Variants in FAF1 observed in about 807,000 individuals in gnomAD.
FAF1 encodes the protein FAS-associated factor 1.
FAF1 carries 25 observed loss-of-function variants against 92.5 expected under a neutral mutation model. The observed-to-expected ratio is 0.27, with a 90% confidence interval of 0.20 to 0.38. The LOEUF (loss-of-function observed/expected upper bound fraction) is 0.38, where lower values mean the gene tolerates loss of function less well. FAF1 is among the 10% of genes least tolerant of loss of function. The pLI is 1.00. For synonymous variants in FAF1, 234 were observed against 273.2 expected, an observed-to-expected ratio of 0.86 and a Z score of 1.42; for missense variants, 636 against 793.3, an observed-to-expected ratio of 0.80 and a Z score of 2.38.
intron 6 of FAF1, among the ~76,000 whole-genome samples, chr1:50,729,047 TATATATA>T (rs1658796469): frequency 3.4e-5 from 3 of 88,014 alleles, no homozygotes; most frequent in South Asian, 4.3e-4. Flanking sequence ...TATATATATA[TATATATA>T]TATATTTTTT....
chr1:50,885,167 G>T (rs2124692992), intron 1 of FAF1, among the ~76,000 whole-genome samples: 1 of 152,074 alleles, frequency 6.6e-6, no homozygotes, highest in Non-Finnish European at 1.5e-5. Context: ...TCTTTTCTTA[G>T]TCTGGCTAAA....
chr1:50,616,206 G>C (rs983272320), intron 8 of FAF1, among the ~76,000 whole-genome samples: 6 of 152,026 alleles, frequency 3.9e-5, no homozygotes, highest in Non-Finnish European at 7.4e-5. Context: ...CTGTTCCATT[G>C]GTCTATGTGT....
chr1:50,823,254 G>C (rs1487661099), intron 2 of FAF1, among the ~76,000 whole-genome samples: 1 of 152,116 alleles, frequency 6.6e-6, no homozygotes, highest in East Asian at 1.9e-4. Context: ...TACATTTTGA[G>C]GTTGTTGTAC....
intron 6 of FAF1, 109 bp from the exon 7 acceptor site, chr1:50,706,000 T>C: frequency 1.6e-6 from 1 of 609,178 alleles, no homozygotes; most frequent in Non-Finnish European, 3.0e-6. Context: ...CACAGGCATG[T>C]CTGGGCCCAA....
intron 2 of FAF1, among the ~76,000 whole-genome samples, chr1:50,829,431 G>C (rs1488269485): frequency 1.3e-5 from 2 of 152,124 alleles, no homozygotes; most frequent in African/African-American, 4.8e-5. Flanking sequence ...TATGAATACA[G>C]AATGTACTGT....
At chr1:50,491,618 T>C (rs546300780) in intron 16 of FAF1, 103 bp downstream of exon 16, 2 of 739,126 alleles carry the variant, frequency 2.7e-6, no homozygotes, top group East Asian at 5.1e-5. Flanking sequence ...TCTAGCTTTC[T>C]CTATTGCAAA....
At chr1:50,948,705 T>C (rs1357255727) in intron 1 of FAF1, among the ~76,000 whole-genome samples, 1 of 152,020 alleles carries the variant, frequency 6.6e-6, no homozygotes, top group Non-Finnish European at 1.5e-5. Flanking sequence ...GCTGTATTTT[T>C]AGTAGAGATG....
At chr1:50,623,237 T>C (rs984682384) in intron 8 of FAF1, among the ~76,000 whole-genome samples, 1 of 152,172 alleles carries the variant, frequency 6.6e-6, no homozygotes, top group African/African-American at 2.4e-5. Flanking sequence ...GAGACAATCT[T>C]CCATTTTGAG....
intron 1 of FAF1, among the ~76,000 whole-genome samples, chr1:50,947,118 C>T (rs1645177444): frequency 6.6e-6 from 1 of 152,100 alleles, no homozygotes; most frequent in South Asian, 2.1e-4. Flanking sequence ...GAAGTTACTG[C>T]TATTACTCTT....
chr1:50,813,730 T>C (rs1643939571), intron 2 of FAF1, among the ~76,000 whole-genome samples: 1 of 152,238 alleles, frequency 6.6e-6, no homozygotes, highest in African/African-American at 2.4e-5. Flanking sequence ...CCCAAAGTGC[T>C]GGATGCTTTA....
In FAF1 at chr1:50,496,566, T is replaced by G. The variant is rs569213150; in HGVS notation, c.1495-4765A>C. On this transcript the variant is annotated intron_variant, in intron 15 of 18. Transcript: ENST00000396153. Reference sequence around the variant, plus strand: ...AGCCCCACTGTGACCAGAGATCTCATTTTGGACTTAAGCAAGGTGAGGAGG... The same window carrying G: ...AGCCCCACTGTGACCAGAGATCTCAGTTTGGACTTAAGCAAGGTGAGGAGG... Among the ~76,000 whole-genome samples, 275 of 152,282 alleles carry G rather than the reference T, an allele frequency of 1.8e-3. 2 individuals carry two copies. The highest frequency in any genetic ancestry group is 2.9e-3 in the Non-Finnish European group (198 of 68,020).
At chr1:50,754,098 T>C (rs548568740) in intron 4 of FAF1, among the ~76,000 whole-genome samples, 2 of 152,300 alleles carry the variant, frequency 1.3e-5, no homozygotes, top group African/African-American at 4.8e-5. Flanking sequence ...GGGTTGGTTA[T>C]GATTGATCAA....
chr1:50,549,430 T>G (rs894805197), intron 13 of FAF1, among the ~76,000 whole-genome samples: 11 of 151,706 alleles, frequency 7.3e-5, no homozygotes, highest in Admixed American at 3.3e-4. Context: ...TGCCTCAGCC[T>G]CCCGAGTAGC....
At chr1:50,821,475 T>C (rs1199821647) in intron 2 of FAF1, among the ~76,000 whole-genome samples, 1 of 152,204 alleles carries the variant, frequency 6.6e-6, no homozygotes, top group Non-Finnish European at 1.5e-5. Context: ...ATGGGCCCTT[T>C]ATTATTTCAG....
chr1:50,450,252 T>C (rs2148979163), intron 18 of FAF1, among the ~76,000 whole-genome samples: 2 of 151,498 alleles, frequency 1.3e-5, no homozygotes, highest in South Asian at 2.1e-4. Context: ...ACTAGGCTAG[T>C]TGTTCTATAT....
chr1:50,896,854 AGATG>A (rs1644761453), intron 1 of FAF1, among the ~76,000 whole-genome samples: 1 of 152,194 alleles, frequency 6.6e-6, no homozygotes, highest in African/African-American at 2.4e-5. Flanking sequence ...AGAGTTACGG[AGATG>A]GATGATGGTG....
chr1:50,700,775 A>G (rs577341967), intron 7 of FAF1, among the ~76,000 whole-genome samples: 119 of 152,208 alleles, frequency 7.8e-4, no homozygotes, highest in African/African-American at 2.3e-3. Context: ...CATTGCTTCT[A>G]TCGTCTTGAA....
intron 2 of FAF1, among the ~76,000 whole-genome samples, chr1:50,813,821 AT>A (rs908677858): frequency 3.3e-5 from 5 of 151,994 alleles, no homozygotes; most frequent in Non-Finnish European, 7.4e-5. Flanking sequence ...AAAAAAAAAA[AT>A]GACCTAGCAA....
chr1:50,877,958 A>T (rs932300839), intron 1 of FAF1, among the ~76,000 whole-genome samples: 1 of 152,218 alleles, frequency 6.6e-6, no homozygotes, highest in African/African-American at 2.4e-5. Flanking sequence ...GCAGCTGCTG[A>T]AACAACCTGT....
Sources: allele counts gnomAD v4.1 joint callset (sites outside exome capture counted in the v4.1 genomes callset), GRCh38; gene constraint gnomAD v4.1.1; transcripts MANE v1.5; gene names NCBI Gene and HGNC (gene_info 2026-07-23, HGNC 2026-07-21).